PVT1: variants seen among roughly 807,000 people sequenced by gnomAD.
The protein encoded by PVT1 is CXCR4/PVT1 fusion.
intron 3 of PVT1, among the ~76,000 whole-genome samples, chr8:127,926,329 G>A (rs1304498421): frequency 6.6e-6 from 1 of 152,196 alleles, no homozygotes; most frequent in Non-Finnish European, 1.5e-5. Flanking sequence ...TTGTTGAAGG[G>A]CTGCCCCAGG....
chr8:127,796,854 ATTC>A (rs1321116860), intron 2 of PVT1, among the ~76,000 whole-genome samples: 9 of 138,278 alleles, frequency 6.5e-5, no homozygotes, highest in Admixed American at 3.6e-4. Context: ...CAGACATAAG[ATTC>A]TTCTTTTTCT....
intron 3 of PVT1, among the ~76,000 whole-genome samples, chr8:127,972,100 C>T (rs1223736341): frequency 6.6e-6 from 1 of 152,250 alleles, no homozygotes; most frequent in Non-Finnish European, 1.5e-5. Flanking sequence ...CTGCAGATTC[C>T]TCAGGAACTA....
At chr8:127,925,204 T>C (rs889651860) in intron 3 of PVT1, among the ~76,000 whole-genome samples, 10 of 152,232 alleles carry the variant, frequency 6.6e-5, no homozygotes, top group African/African-American at 2.4e-4. Context: ...TAGATCAGCA[T>C]GTCATTTCTC....
At chr8:127,982,035 C>T (rs561033765) in intron 3 of PVT1, among the ~76,000 whole-genome samples, 6 of 152,350 alleles carry the variant, frequency 3.9e-5, no homozygotes, top group African/African-American at 9.6e-5. Flanking sequence ...CCTTCCTTCA[C>T]CTACCAGGCT....
chr8:127,984,869 CTTT>C (rs1816930840), intron 3 of PVT1, among the ~76,000 whole-genome samples: 4 of 73,410 alleles, frequency 5.4e-5, no homozygotes, highest in African/African-American at 9.6e-5. Context: ...TTCTTTCTTT[CTTT>C]CTTTCTTTCT....
rs116338553 is a variant in PVT1 at position 127,910,261 on chromosome 8, G to A, written n.782+19263G>A. ...GATGGAAGCGGGGGCAGTTGTGTGC[G>A]AAAGGTACAGGGTCGTGGAAACATG... On this transcript the variant is annotated intron_variant and non_coding_transcript_variant, in intron 3 of 10. Transcript: ENST00000651587. Among the ~76,000 whole-genome samples the A allele has an allele frequency of 6.0e-3, 918 of 152,282 alleles. 18 individuals are homozygous for A. The highest frequency in any genetic ancestry group is 0.021 in the African/African-American group (873 of 41,552).
chr8:127,934,548 G>A (rs1816248448), intron 3 of PVT1, among the ~76,000 whole-genome samples: 1 of 152,182 alleles, frequency 6.6e-6, no homozygotes, highest in African/African-American at 2.4e-5. Context: ...TTTGTTTAGG[G>A]ACTCCCAGAA....
At chr8:128,013,689 C>G (rs1194459319) in intron 4 of PVT1, among the ~76,000 whole-genome samples, 2 of 152,178 alleles carry the variant, frequency 1.3e-5, no homozygotes, top group African/African-American at 4.8e-5. Flanking sequence ...GGGGGAGACT[C>G]TCCTGACAGA....
At chr8:127,917,642 C>T (rs1863561) in intron 3 of PVT1, among the ~76,000 whole-genome samples, 4,094 of 152,280 alleles carry the variant, frequency 0.027, 77 homozygotes, top group East Asian at 0.059. Context: ...ATTTAGTTTG[C>T]GGTCTCAAAC....
intron 3 of PVT1, among the ~76,000 whole-genome samples, chr8:127,924,651 A>G (rs944130509): frequency 6.6e-6 from 1 of 151,494 alleles, no homozygotes; most frequent in African/African-American, 2.4e-5. Context: ...AGCTGGGACT[A>G]CAGGCGCCCA....
intron 3 of PVT1, among the ~76,000 whole-genome samples, chr8:127,945,242 A>G (rs1816406015): frequency 6.6e-6 from 1 of 152,034 alleles, no homozygotes. Flanking sequence ...GCTGGGAGGA[A>G]CATCCGCACA....
intron 3 of PVT1, among the ~76,000 whole-genome samples, chr8:127,904,607 G>A (rs910421876): frequency 7.9e-5 from 12 of 152,128 alleles, no homozygotes; most frequent in East Asian, 1.9e-4. Flanking sequence ...GCAGCAAACC[G>A]TGGCCCTCCG....
intron 3 of PVT1, among the ~76,000 whole-genome samples, chr8:127,899,936 C>T (rs994007080): frequency 3.0e-4 from 46 of 152,194 alleles, no homozygotes; most frequent in African/African-American, 1.0e-3. Context: ...CAAAGGGCAA[C>T]GTAACAAAAG....
chr8:127,876,358 G>T (rs1044865880), intron 2 of PVT1, among the ~76,000 whole-genome samples: 3 of 152,058 alleles, frequency 2.0e-5, no homozygotes, highest in Admixed American at 1.3e-4. Flanking sequence ...GGGGACTCAG[G>T]TTCCCCAAGT....
chr8:128,029,671 T>C (rs1813365961), intron 4 of PVT1, among the ~76,000 whole-genome samples: 1 of 152,032 alleles, frequency 6.6e-6, no homozygotes, highest in Non-Finnish European at 1.5e-5. Flanking sequence ...GTGGTGGCGC[T>C]AACCTTAGTC....
At chr8:128,097,578 C>T (rs936993398) in intron 6 of PVT1, among the ~76,000 whole-genome samples, 1 of 152,196 alleles carries the variant, frequency 6.6e-6, no homozygotes, top group Non-Finnish European at 1.5e-5. Context: ...TTAGGCAGTA[C>T]TGACCACACC....
At chr8:127,983,087 G>C (rs1816903049) in intron 3 of PVT1, among the ~76,000 whole-genome samples, 1 of 152,156 alleles carries the variant, frequency 6.6e-6, no homozygotes, top group Admixed American at 6.5e-5. Flanking sequence ...GGCTGATCTT[G>C]GGGCTGGCTG....
chr8:128,083,990 C>G (rs1563683032), intron 5 of PVT1, among the ~76,000 whole-genome samples: 1 of 152,182 alleles, frequency 6.6e-6, no homozygotes, highest in South Asian at 2.1e-4. Flanking sequence ...CTTTTTACCC[C>G]CTACTTACCT....
At chr8:128,035,876 G>C (rs1309122593) in intron 4 of PVT1, among the ~76,000 whole-genome samples, 3 of 152,206 alleles carry the variant, frequency 2.0e-5, no homozygotes, top group Non-Finnish European at 1.5e-5. Flanking sequence ...ACAAGAAACT[G>C]ATTTTCCTTT....
Sources: allele counts gnomAD v4.1 joint callset (sites outside exome capture counted in the v4.1 genomes callset), GRCh38; gene constraint gnomAD v4.1.1; transcripts MANE v1.5; gene names NCBI Gene and HGNC (gene_info 2026-07-23, HGNC 2026-07-21).